The following CASZ1 variants were observed in gnomAD, a reference collection of about 807,000 sequenced individuals.
CASZ1 encodes zinc finger protein castor homolog 1.
In CASZ1, 28 loss-of-function variants were observed where a neutral mutation model predicts 135.2. The ratio of observed to expected loss-of-function variants is 0.21; its 90% CI spans 0.15 to 0.28. CASZ1 has a LOEUF of 0.28. Among genes scored for constraint, CASZ1 ranks in the 10% least tolerant of loss-of-function variants. CASZ1 has a pLI of 1.00. For synonymous variants in CASZ1, 1,068 were observed against 1,073.4 expected, an observed-to-expected ratio of 0.99 and a Z score of 0.10; for missense variants, 2,161 against 2,453.3, an observed-to-expected ratio of 0.88 and a Z score of 2.52.
chr1:10,764,561 AG>A (rs929875967), intron 1 of CASZ1, among the ~76,000 whole-genome samples: 44 of 152,348 alleles, frequency 2.9e-4, no homozygotes, highest in African/African-American at 1.0e-3. Context: ...GCGGGCATGG[AG>A]ACACGAAGTG....
Position 10,659,610 on chromosome 1 carries a change from G to A in CASZ1, c.1340+92C>T, listed in dbSNP as rs997420495. 2.0e-5 allele frequency: 20 copies of A among 982,246 alleles called. No homozygotes were observed. In the South Asian group the frequency reaches 2.8e-4, roughly 14 times the overall value. The allele number at this position is 982,246 out of a possible 1,614,324, so 60.8% of individuals were successfully genotyped here. A position where few individuals can be genotyped will look rare whatever the true frequency, so the allele number is the denominator to read the frequency against. On this transcript the variant is annotated intron_variant, in intron 6 of 20. Coordinates refer to ENST00000377022, the MANE Select transcript of CASZ1 (RefSeq NM_001079843.3). ...TGTATAAGGTGTGAGCGGCAGGTGTGTCCTCAAGCACGGGCAACCCTGGTG... is the reference window on the plus strand; with the variant it reads ...TGTATAAGGTGTGAGCGGCAGGTGTATCCTCAAGCACGGGCAACCCTGGTG...
Position 10,653,979 on chromosome 1 carries a change from T to G in CASZ1, c.2078A>C (p.Glu693Ala). 6.2e-7 allele frequency: 1 copy of G among 1,614,016 alleles called. No homozygotes were observed. The highest frequency in any genetic ancestry group is 8.5e-7 in the Non-Finnish European group (1 of 1,179,926). The change falls in exon 11 of 21, where the codon GAG becomes GCG. Residue 693 changes from glutamate to alanine, a missense_variant. Around this residue, in one of 7 missense-constraint regions of CASZ1, gnomAD observed 248 missense variants for 410.8 expected, o/e 0.60. Transcript: ENST00000377022. ...GCCCGAGGAGCGGATGTGCCGGCGCTCATGCTTGCGCTTGTGAGAGGTCAT... is the reference window on the plus strand; with the variant it reads ...GCCCGAGGAGCGGATGTGCCGGCGCGCATGCTTGCGCTTGTGAGAGGTCAT... The part of the protein sequence containing the change: ...SQMTSHKRKH[E>A]RRHIRSSGAL...
intron 1 of CASZ1, among the ~76,000 whole-genome samples, chr1:10,778,328 CCACA>C (rs1483715687): frequency 6.6e-6 from 1 of 151,468 alleles, no homozygotes; most frequent in African/African-American, 2.4e-5. Context: ...TCTCACACAA[CCACA>C]CACAATCTCA....
rs533169371 is a variant in CASZ1 at position 10,702,988 on chromosome 1, G to A, written c.-24+2504C>T. On this transcript the variant is annotated intron_variant, in intron 3 of 20. Transcript: ENST00000377022. ...AGAGAGAGAGAGAGAGAGAGAGAGC[G>A]CCATGGAGTTGTGGGGGTGCTATGG... Among the ~76,000 whole-genome samples, 14 of 152,078 alleles carry A rather than the reference G, an allele frequency of 9.2e-5. No homozygotes were observed. In the East Asian group the frequency reaches 1.2e-3, roughly 13 times the overall value.
intron 2 of CASZ1, among the ~76,000 whole-genome samples, chr1:10,714,161 G>A (rs1313478110): frequency 6.6e-6 from 1 of 152,044 alleles, no homozygotes; most frequent in East Asian, 1.9e-4. Context: ...ACAAAAATTA[G>A]CCGGTGTGGT....
intron 1 of CASZ1, among the ~76,000 whole-genome samples, chr1:10,765,470 G>A (rs998693703): frequency 4.6e-5 from 7 of 151,778 alleles, no homozygotes; most frequent in African/African-American, 9.7e-5. Flanking sequence ...AGTGTTTTTC[G>A]CTGCATTTTT....
In CASZ1 at chr1:10,639,238, C is replaced by A. The variant is rs1029530406; in HGVS notation, c.4984G>T (p.Gly1662Cys). Residue 1662 changes from glycine (G) to cysteine (C), a missense_variant, in exon 21 of 21, where the codon GGC becomes TGC. Physicochemically the swap from Gly to Cys is radical, Grantham distance 159. Coordinates refer to ENST00000377022, the MANE Select transcript of CASZ1 (RefSeq NM_001079843.3). The surrounding 1 kb of genome is among the most constrained non-coding windows in gnomAD (Gnocchi z 4.0). ...GCTGCGGCGGCGGCGGCGGCGGCGC[C>A]CTCGCGCGGCCCGGGGGCGGCGGCG... ...PDAAAPGPRE[G>C]AAAAAAAAGE... 1.1e-6 allele frequency: 1 copy of A among 922,368 alleles called. No homozygotes were observed. Among genetic ancestry groups the A allele is most frequent in the Non-Finnish European group, 1.3e-6 (1 of 773,732 alleles). 57.1% of individuals were successfully genotyped at this position (922,368 alleles called of 1,614,324 possible). A position where few individuals can be genotyped will look rare whatever the true frequency, so the allele number is the denominator to read the frequency against.
At chr1:10,781,118 C>T (rs532240529) in intron 1 of CASZ1, among the ~76,000 whole-genome samples, 27 of 152,342 alleles carry the variant, frequency 1.8e-4, no homozygotes, top group Non-Finnish European at 3.7e-4. Context: ...AGGACACAGA[C>T]CTCAGGATGC....
At chr1:10,686,080 G>A (rs549531522) in intron 4 of CASZ1, among the ~76,000 whole-genome samples, 3 of 152,072 alleles carry the variant, frequency 2.0e-5, no homozygotes, top group Non-Finnish European at 4.4e-5. Context: ...ACCTGACCCC[G>A]TGGCCCCCAC....
chr1:10,718,215 C>T (rs893192017), intron 2 of CASZ1, among the ~76,000 whole-genome samples: 1 of 152,226 alleles, frequency 6.6e-6, no homozygotes, highest in East Asian at 1.9e-4. Flanking sequence ...TCTCCCCTTC[C>T]GCCCTGTTGC....
intron 1 of CASZ1, among the ~76,000 whole-genome samples, chr1:10,783,871 C>A (rs78468730): frequency 5.0e-3 from 396 of 78,706 alleles, no homozygotes; most frequent in South Asian, 9.7e-3. Context: ...GACTCCGTCT[C>A]AAAAAAAAAA....
Position 10,735,416 on chromosome 1 carries a change from G to A in CASZ1, c.-77+25285C>T, listed in dbSNP as rs569629505. Among the ~76,000 whole-genome samples the A allele has an allele frequency of 2.4e-4, 37 of 152,258 alleles. No individual in the cohort carries two copies. The highest frequency in any genetic ancestry group is 1.7e-3 in the South Asian group (8 of 4,824). On this transcript the variant is annotated intron_variant, in intron 2 of 20. Coordinates refer to ENST00000377022, the MANE Select transcript of CASZ1 (RefSeq NM_001079843.3). The surrounding 1 kb of genome is among the most constrained non-coding windows in gnomAD (Gnocchi z 5.1). ...AGGCCCGGGAGCTCTGGGAGGGGAC[G>A]GGGGACTGGCGGAGTCAGGCGCCAG...
chr1:10,682,239 C>T (rs1638445884), intron 4 of CASZ1, among the ~76,000 whole-genome samples: 1 of 152,004 alleles, frequency 6.6e-6, no homozygotes, highest in African/African-American at 2.4e-5. Context: ...GAGATCAGGA[C>T]CCAAAAACAG....
At position 10,639,564 on chromosome 1, in the gene CASZ1, G is replaced by A; in HGVS notation, c.4658C>T (p.Ser1553Phe). 1 of 1,611,458 alleles carries A rather than the reference G, an allele frequency of 6.2e-7. No individual in the cohort carries two copies. The highest frequency in any genetic ancestry group is 8.5e-7 in the Non-Finnish European group (1 of 1,179,022). Residue 1553 changes from serine to phenylalanine, a missense_variant, in exon 21 of 21, where the codon TCC (serine) becomes TTC (phenylalanine). Ser to Phe is a radical substitution (Grantham distance 155). Transcript: ENST00000377022. The surrounding 1 kb of genome is among the most constrained non-coding windows in gnomAD (Gnocchi z 4.0). ...GTCGGGCACGGCGCAGTCGGCGCTG[G>A]AGCTGAACTGGCAGAAGCCCGCGGC... is the stretch of plus-strand genomic sequence containing the variant. ...ISAAGFCQFSSSADCAVPDCK... is the reference protein window; with the variant it reads ...ISAAGFCQFSFSADCAVPDCK...
Position 10,647,301 on chromosome 1 carries a change from A to G in CASZ1, c.3497+500T>C, listed in dbSNP as rs1642390796. ...ACCGTTCTCCCTGCAAGGAGCCACC[A>G]CCATCCAGTGAGGAGGGTCCCTTCC... On this transcript the variant is annotated intron_variant, in intron 16 of 20. Transcript: ENST00000377022. The surrounding 1 kb of genome is among the most constrained non-coding windows in gnomAD (Gnocchi z 4.9). 1 of 1,001,602 alleles carries G rather than the reference A, an allele frequency of 1.0e-6. No homozygotes were observed. Among genetic ancestry groups the G allele is most frequent in the Non-Finnish European group, 1.2e-6 (1 of 838,790 alleles). The allele number at this position is 1,001,602 out of a possible 1,614,324, so 62.0% of individuals were successfully genotyped here.
chr1:10,736,419 C>T lies in CASZ1; in HGVS notation c.-77+24282G>A, dbSNP rs533951612. Among the ~76,000 whole-genome samples, 3 of 152,308 alleles carry T rather than the reference C, an allele frequency of 2.0e-5. No individual in the cohort carries two copies. In the South Asian group the frequency reaches 6.2e-4, roughly 32 times the overall value. On this transcript the variant is annotated intron_variant, in intron 2 of 20. Transcript: ENST00000377022. ...CCCCGAACCCGGGGAGTCCTCAGGC[C>T]CCTCCCTGGGATGTTCTGATCCCGT...
intron 1 of CASZ1, among the ~76,000 whole-genome samples, chr1:10,784,964 C>A (rs1640829519): frequency 6.6e-6 from 1 of 152,198 alleles, no homozygotes; most frequent in African/African-American, 2.4e-5. Flanking sequence ...CTCCTCTGCT[C>A]CTTCACGGCC....
chr1:10,690,991 A>C (rs1570481923), intron 4 of CASZ1, among the ~76,000 whole-genome samples: 1 of 149,242 alleles, frequency 6.7e-6, no homozygotes, highest in African/African-American at 2.5e-5. Flanking sequence ...GCTTCCTCCC[A>C]TCTCCCCTCC....
rs1484663927 is a variant in CASZ1 at position 10,654,467 on chromosome 1, G to A, written c.1790C>T (p.Thr597Ile). ...QRFRATEDCG[T>I]ADCQFYGQKT... ...CTGTCCGTAGAACTGGCAGTCGGCT[G>A]TGCCACAGTCTTCGGTGGCTCGGAA... is the stretch of plus-strand genomic sequence containing the variant. The change falls in exon 10 of 21, where the codon ACA (threonine) becomes ATA (isoleucine). Residue 597 changes from threonine to isoleucine, a missense_variant. Physicochemically the swap from Thr to Ile is moderately conservative, Grantham distance 89. Around this residue, in one of 7 missense-constraint regions of CASZ1, gnomAD observed 248 missense variants for 410.8 expected, o/e 0.60. Transcript: ENST00000377022. 2 of 1,614,226 alleles carry A rather than the reference G, an allele frequency of 1.2e-6. No homozygotes were observed. The highest frequency in any genetic ancestry group is 2.2e-5 in the South Asian group (2 of 91,082).
Sources: allele counts gnomAD v4.1 joint callset (sites outside exome capture counted in the v4.1 genomes callset), GRCh38; gene constraint gnomAD v4.1.1; regional missense constraint gnomAD v4.1.1; non-coding constraint Gnocchi (gnomAD v3.1); transcripts MANE v1.5; gene names NCBI Gene and HGNC (gene_info 2026-07-23, HGNC 2026-07-21).